PCBP3: variants seen among roughly 807,000 people sequenced by gnomAD.
PCBP3 encodes poly(rC)-binding protein 3.
PCBP3 carries 25 observed loss-of-function variants against 52.7 expected under a neutral mutation model. The observed-to-expected ratio is 0.47, with a 90% CI of 0.35 to 0.66. The LOEUF (loss-of-function observed/expected upper bound fraction) is 0.66, where lower values mean the gene tolerates loss of function less well. PCBP3 is among the 30% of genes least tolerant of loss of function. The pLI, the probability that PCBP3 is intolerant of heterozygous loss-of-function variation, is 0.01. For synonymous variants in PCBP3, 162 were observed against 183.0 expected (o/e 0.89, Z 0.93); for missense variants, 391 against 490.3 (o/e 0.80, Z 1.91).
In PCBP3 at chr21:45,856,817, G is replaced by A. The variant is rs1423505063; in HGVS notation, c.10+6722G>A. ...AGCCTGGTTTTATTCACTTTAGGGAGGCATGAGACATCAATCAAATACATT... is the reference window on the plus strand; with the variant it reads ...AGCCTGGTTTTATTCACTTTAGGGAAGCATGAGACATCAATCAAATACATT... On this transcript the variant is annotated intron_variant, in intron 5 of 17. Transcript: ENST00000681687. 2.0e-5 allele frequency among the ~76,000 whole-genome samples: 3 copies of A among 152,186 alleles called. No homozygotes were observed. The East Asian group carries it at 5.8e-4, about 29-fold the overall frequency.
At chr21:45,923,813 G>C in intron 13 of PCBP3, among the ~76,000 whole-genome samples, 1 of 151,672 alleles carries the variant, frequency 6.6e-6, no homozygotes, top group Non-Finnish European at 1.5e-5. Flanking sequence ...GTAAGATCGG[G>C]TGTGCACGAG....
intron 2 of PCBP3, among the ~76,000 whole-genome samples, chr21:45,702,253 A>G (rs774756874): frequency 1.1e-4 from 16 of 152,210 alleles, no homozygotes; most frequent in Admixed American, 9.8e-4. Flanking sequence ...ATATTTTACT[A>G]TGCATGATTT....
At chr21:45,845,643 CAT>C (rs576215927) in intron 4 of PCBP3, among the ~76,000 whole-genome samples, 197 of 150,790 alleles carry the variant, frequency 1.3e-3, no homozygotes, top group Middle Eastern at 3.6e-3. Context: ...CCCGTGTGCA[CAT>C]GTGTGAGTGT....
intron 5 of PCBP3, among the ~76,000 whole-genome samples, chr21:45,850,919 A>C (rs1031518418): frequency 3.3e-5 from 5 of 152,100 alleles, no homozygotes; most frequent in Non-Finnish European, 5.9e-5. Flanking sequence ...GCTATAAAAA[A>C]CTCTTGTTAG....
In PCBP3 at chr21:45,830,189, CT is replaced by C. The variant is rs1473655862; in HGVS notation, c.-125-19771del. 2 of 152,842 alleles carry C rather than the reference CT, an allele frequency of 1.3e-5. No individual in the cohort carries two copies. The highest frequency in any genetic ancestry group is 2.9e-5 in the Non-Finnish European group (2 of 68,154). The allele number at this position is 152,842 out of a possible 1,614,324, so 9.5% of individuals were successfully genotyped here. ...AGTCTCCAGGCAGGGCAAATGGCCC[CT>C]CTGTGCCCCATAGCCTCGTCCTAAC... is the stretch of plus-strand genomic sequence containing the variant. On this transcript the variant is annotated intron_variant, in intron 4 of 17. Coordinates refer to ENST00000681687, the MANE Select transcript of PCBP3 (RefSeq NM_001384156.1). The surrounding 1 kb of genome is among the most constrained non-coding windows in gnomAD (Gnocchi z 4.4).
At chr21:45,784,854 C>T (rs1406373279) in intron 4 of PCBP3, among the ~76,000 whole-genome samples, 6 of 152,308 alleles carry the variant, frequency 3.9e-5, no homozygotes, top group African/African-American at 1.4e-4. Context: ...CCCAAAGTGC[C>T]GAGATTGCAG....
At chr21:45,874,683 T>C (rs1424732690) in intron 5 of PCBP3, among the ~76,000 whole-genome samples, 1 of 152,096 alleles carries the variant, frequency 6.6e-6, no homozygotes, top group East Asian at 1.9e-4. Flanking sequence ...CTTTTTTGTA[T>C]TTTTAGTAGA....
intron 2 of PCBP3, among the ~76,000 whole-genome samples, chr21:45,688,081 C>A (rs544606929): frequency 3.0e-4 from 46 of 152,198 alleles, no homozygotes; most frequent in Non-Finnish European, 6.2e-4. Context: ...ATATAACAAT[C>A]CTACTGTGTA....
At chr21:45,838,480 G>A (rs2147938168) in intron 4 of PCBP3, among the ~76,000 whole-genome samples, 1 of 151,918 alleles carries the variant, frequency 6.6e-6, no homozygotes, top group South Asian at 2.1e-4. Flanking sequence ...ATTGCAATTG[G>A]GTTGTCATTG....
At chr21:45,714,548 A>G (rs897589195) in intron 2 of PCBP3, among the ~76,000 whole-genome samples, 11 of 152,356 alleles carry the variant, frequency 7.2e-5, no homozygotes, top group African/African-American at 2.4e-4. Flanking sequence ...TGAAAATCAT[A>G]TAACTTGAAA....
At chr21:45,653,003 T>A (rs2079786499) in intron 1 of PCBP3, among the ~76,000 whole-genome samples, 1 of 152,202 alleles carries the variant, frequency 6.6e-6, no homozygotes, top group African/African-American at 2.4e-5. Flanking sequence ...TCCATTATGG[T>A]TTTTTCTTGG....
At chr21:45,930,995 G>A (rs2076106542) in intron 15 of PCBP3, 150 bp downstream of exon 15, 2 of 1,152,302 alleles carry the variant, frequency 1.7e-6, no homozygotes, top group Non-Finnish European at 2.4e-6. Context: ...GGGCGTGGGT[G>A]GTGCCATGCT....
At chr21:45,671,210 T>C (rs2081151617) in intron 2 of PCBP3, among the ~76,000 whole-genome samples, 1 of 152,214 alleles carries the variant, frequency 6.6e-6, no homozygotes, top group Non-Finnish European at 1.5e-5. Flanking sequence ...CAGTTAGTTA[T>C]CTGCCTCAGT....
intron 15 of PCBP3, among the ~76,000 whole-genome samples, chr21:45,934,644 G>A (rs561194979): frequency 6.6e-6 from 1 of 152,240 alleles, no homozygotes; most frequent in Non-Finnish European, 1.5e-5. Flanking sequence ...AGCTGTCTGA[G>A]CCAGGCTATG....
intron 3 of PCBP3, among the ~76,000 whole-genome samples, chr21:45,745,920 G>A (rs1272621680): frequency 6.6e-6 from 1 of 151,712 alleles, no homozygotes; most frequent in Non-Finnish European, 1.5e-5. Context: ...GCATCGCTGT[G>A]TCAGTCCATT....
chr21:45,720,124 G>A (rs1204196339), intron 2 of PCBP3, among the ~76,000 whole-genome samples: 3 of 152,160 alleles, frequency 2.0e-5, no homozygotes, highest in Admixed American at 2.0e-4. Context: ...GAACATGCAG[G>A]TTTGTTACAT....
chr21:45,903,224 C>T (rs1313875023), intron 9 of PCBP3, among the ~76,000 whole-genome samples: 1 of 152,094 alleles, frequency 6.6e-6, no homozygotes, highest in Non-Finnish European at 1.5e-5. Context: ...AGGCCTGTGT[C>T]CTCCAGCTTC....
intron 13 of PCBP3, among the ~76,000 whole-genome samples, chr21:45,923,843 C>A (rs2074867280): frequency 3.4e-5 from 5 of 145,682 alleles, no homozygotes; most frequent in Admixed American, 3.4e-4. Context: ...ACACCGGGAA[C>A]AGTCGAGTGG....
intron 4 of PCBP3, among the ~76,000 whole-genome samples, chr21:45,826,841 C>A (rs2093320999): frequency 6.6e-6 from 1 of 152,184 alleles, no homozygotes; most frequent in Non-Finnish European, 1.5e-5. Context: ...GGCAGCCTAG[C>A]CGGACAGAAC....
Sources: allele counts gnomAD v4.1 joint callset (sites outside exome capture counted in the v4.1 genomes callset), GRCh38; gene constraint gnomAD v4.1.1; non-coding constraint Gnocchi (gnomAD v3.1); transcripts MANE v1.5; gene names NCBI Gene and HGNC (gene_info 2026-07-23, HGNC 2026-07-21).